The following MACROD2 variants were observed in gnomAD, a reference collection of about 807,000 sequenced individuals.
MACROD2 encodes mono-ADP ribosylhydrolase 2, also known as ADP-ribose glycohydrolase MACROD2.
Under a neutral mutation model 70.4 loss-of-function variants are expected in MACROD2, and 36 were observed. The observed-to-expected ratio is 0.51, with a 90% CI of 0.39 to 0.68. The LOEUF (loss-of-function observed/expected upper bound fraction) is 0.68. MACROD2 is among the 30% of genes least tolerant of loss of function. MACROD2 has a pLI of 0.00. For synonymous variants in MACROD2, 172 were observed against 178.8 expected (o/e 0.96, Z 0.30); for missense variants, 496 against 538.4 (o/e 0.92, Z 0.78).
intron 6 of MACROD2, among the ~76,000 whole-genome samples, chr20:15,330,712 A>C (rs993595863): frequency 1.3e-5 from 2 of 151,698 alleles, no homozygotes; most frequent in African/African-American, 4.9e-5. Context: ...AGAATGGAAG[A>C]CTTCCTTTGC....
intron 4 of MACROD2, among the ~76,000 whole-genome samples, chr20:14,637,100 G>A (rs553183844): frequency 6.6e-6 from 1 of 152,310 alleles, no homozygotes; most frequent in South Asian, 2.1e-4. Context: ...AGACTGGAGG[G>A]AGCTGGTGGG....
chr20:15,824,408 C>T (rs77489827), intron 8 of MACROD2, among the ~76,000 whole-genome samples: 3 of 152,180 alleles, frequency 2.0e-5, no homozygotes, highest in Middle Eastern at 6.8e-3. Context: ...TCTATAGGCT[C>T]TTGTAGAGAT....
intron 3 of MACROD2, among the ~76,000 whole-genome samples, chr20:14,171,049 A>G (rs371478331): frequency 1.8e-4 from 27 of 152,070 alleles, no homozygotes; most frequent in African/African-American, 5.1e-4. Context: ...CAGAGTTTCT[A>G]TTTCTTCCTG....
intron 3 of MACROD2, among the ~76,000 whole-genome samples, chr20:14,116,975 G>C (rs1390506306): frequency 6.6e-6 from 1 of 151,538 alleles, no homozygotes. Flanking sequence ...GCTGAGGCAG[G>C]AGAATCGCTT....
At chr20:14,309,221 T>G (rs935068116) in intron 3 of MACROD2, among the ~76,000 whole-genome samples, 17 of 152,190 alleles carry the variant, frequency 1.1e-4, no homozygotes, top group African/African-American at 4.1e-4. Flanking sequence ...GACAGTATGA[T>G]TCAACCTCTT....
intron 5 of MACROD2, among the ~76,000 whole-genome samples, chr20:15,039,235 T>G (rs1369113157): frequency 6.6e-6 from 1 of 152,134 alleles, no homozygotes; most frequent in Non-Finnish European, 1.5e-5. Flanking sequence ...TAATGAAGTA[T>G]AGGAGAGAAC....
chr20:14,558,797 C>T (rs1434992111), intron 4 of MACROD2, among the ~76,000 whole-genome samples: 2 of 151,758 alleles, frequency 1.3e-5, no homozygotes, highest in East Asian at 3.9e-4. Context: ...TACTAAGTTT[C>T]ATTCCTGAAA....
rs181036557 is a variant in MACROD2, at chr20:15,323,971, G to A, written c.540+93910G>A. Among the ~76,000 whole-genome samples the A allele has an allele frequency of 5.3e-5, 8 of 152,012 alleles. 1 individual carries two copies. Among genetic ancestry groups the A allele is most frequent in the Admixed American group, 3.9e-4 (6 of 15,248 alleles). ...TAAATAATACATGAATAGGATTGCAGAACTTTTTTTTTTGTTTTCTGTGAT... is the reference window on the plus strand; with the variant it reads ...TAAATAATACATGAATAGGATTGCAAAACTTTTTTTTTTGTTTTCTGTGAT... On this transcript the variant is annotated intron_variant, in intron 6 of 17. Transcript: ENST00000684519.
chr20:14,114,241 CTGTT>C (rs1251260768), intron 3 of MACROD2, among the ~76,000 whole-genome samples: 3 of 152,112 alleles, frequency 2.0e-5, no homozygotes, highest in Non-Finnish European at 2.9e-5. Flanking sequence ...CATTCTGACT[CTGTT>C]TGGAATTCCC....
At chr20:14,253,881 T>G (rs1426347208) in intron 3 of MACROD2, among the ~76,000 whole-genome samples, 2 of 152,100 alleles carry the variant, frequency 1.3e-5, no homozygotes, top group African/African-American at 4.8e-5. Flanking sequence ...CCCTCACTTT[T>G]TCAGTCTAAA....
At chr20:14,187,217 A>G (rs2081352680) in intron 3 of MACROD2, among the ~76,000 whole-genome samples, 2 of 152,100 alleles carry the variant, frequency 1.3e-5, no homozygotes, top group Non-Finnish European at 1.5e-5. Context: ...AAAGAATACA[A>G]TGTAAATTGA....
intron 3 of MACROD2, among the ~76,000 whole-genome samples, chr20:14,392,360 A>C (rs1244254948): frequency 6.6e-6 from 1 of 152,146 alleles, no homozygotes; most frequent in East Asian, 1.9e-4. Context: ...TGTATGTGTA[A>C]ATATATGCAG....
chr20:15,722,280 A>T (rs1450145833), intron 8 of MACROD2, among the ~76,000 whole-genome samples: 2 of 152,152 alleles, frequency 1.3e-5, no homozygotes, highest in Non-Finnish European at 2.9e-5. Flanking sequence ...CAGGGCATAG[A>T]CATCTTCAGT....
At chr20:14,079,521 G>A (rs1241480938) in intron 2 of MACROD2, among the ~76,000 whole-genome samples, 1 of 152,006 alleles carries the variant, frequency 6.6e-6, no homozygotes, top group African/African-American at 2.4e-5. Flanking sequence ...CAATTTAGTA[G>A]GTTATGCTTT....
intron 5 of MACROD2, among the ~76,000 whole-genome samples, chr20:14,945,585 T>C (rs1482359340): frequency 6.6e-6 from 1 of 152,096 alleles, no homozygotes; most frequent in Non-Finnish European, 1.5e-5. Context: ...ATCACCTTAG[T>C]CTTATTTATT....
At chr20:15,931,497 T>C (rs777924636) in intron 10 of MACROD2, among the ~76,000 whole-genome samples, 1 of 151,820 alleles carries the variant, frequency 6.6e-6, no homozygotes. Flanking sequence ...AAAAAATCAG[T>C]CAGGCTTGGT....
intron 5 of MACROD2, among the ~76,000 whole-genome samples, chr20:15,094,309 C>A (rs6079658): frequency 0.37 from 55,539 of 151,918 alleles, 10,770 homozygotes; most frequent in African/African-American, 0.48. Context: ...TCTTCACATG[C>A]TATTTTTTCT....
At chr20:14,432,913 C>T (rs1179352856) in intron 3 of MACROD2, among the ~76,000 whole-genome samples, 3 of 151,962 alleles carry the variant, frequency 2.0e-5, no homozygotes, top group African/African-American at 7.2e-5. Flanking sequence ...GAATCTAAGT[C>T]TTTTTCAATA....
chr20:15,655,971 C>T (rs1050434993), intron 8 of MACROD2, among the ~76,000 whole-genome samples: 3 of 152,104 alleles, frequency 2.0e-5, no homozygotes, highest in African/African-American at 7.2e-5. Flanking sequence ...GAAATGTTAT[C>T]CTCGTAATGG....
Sources: allele counts gnomAD v4.1 joint callset (sites outside exome capture counted in the v4.1 genomes callset), GRCh38; gene constraint gnomAD v4.1.1; transcripts MANE v1.5; gene names NCBI Gene and HGNC (gene_info 2026-07-23, HGNC 2026-07-21).